Variants in TIGD7 observed in about 807,000 individuals in gnomAD.
The protein encoded by TIGD7 is tigger transposable element-derived protein 7.
TIGD7 carries 26 observed loss-of-function variants against 24.8 expected under a neutral mutation model. The observed-to-expected ratio is 1.05, with a 90% confidence interval of 0.77 to 1.45. TIGD7 has a LOEUF of 1.45. Among genes scored for constraint, TIGD7 ranks in the 40% most tolerant of loss-of-function variants. The pLI, the probability that TIGD7 is intolerant of heterozygous loss-of-function variation, is 0.00. For synonymous variants in TIGD7, 221 were observed against 224.1 expected, an observed-to-expected ratio of 0.99 and a Z score of 0.12; for missense variants, 679 against 641.6, an observed-to-expected ratio of 1.06 and a Z score of -0.63.
At position 3,299,917 on chromosome 16, in the gene TIGD7, T is replaced by C. The variant is rs1474889204; in HGVS notation, c.698A>G (p.Lys233Arg). ...GTCCTCTTTCACACTTTTGGGCAGT[T>C]TTGATTTTCCAATAATGATTGACTT... ...KLKSIIIGKS[K>R]LPKSVKEDTS... The change falls in exon 2 of 2, where the codon AAA becomes AGA. Residue 233 changes from lysine to arginine, a missense_variant. Physicochemically the swap from Lys to Arg is conservative, Grantham distance 26. Coordinates refer to ENST00000396862, the MANE Select transcript of TIGD7 (RefSeq NM_033208.4). 3.1e-6 allele frequency: 5 copies of C among 1,612,066 alleles called. No homozygotes were observed. In the South Asian group the frequency reaches 4.4e-5, roughly 14 times the overall value.
In TIGD7 at chr16:3,300,675, G is replaced by T; in HGVS notation, c.-61C>A. On this transcript the variant is annotated 5_prime_UTR_variant, in exon 2 of 2. Transcript: ENST00000396862. ...CAAAGGGAAAAGCCTTAATGAATTG[G>T]CAAAAAAAAAACCCACATTTTTTAA... 6.6e-7 allele frequency: 1 copy of T among 1,508,848 alleles called. No homozygotes were observed. Among genetic ancestry groups the T allele is most frequent in the Non-Finnish European group, 8.8e-7 (1 of 1,132,960 alleles). 93.5% of individuals were successfully genotyped at this position (1,508,848 alleles called of 1,614,324 possible).
chr16:3,303,160 T>C (rs543233430), intron 1 of TIGD7, among the ~76,000 whole-genome samples: 41 of 152,228 alleles, frequency 2.7e-4, no homozygotes, highest in African/African-American at 9.6e-4. Flanking sequence ...TCTAAAACAG[T>C]GCCCAAGCAA....
At chr16:3,302,363 T>C (rs192408545) in intron 1 of TIGD7, among the ~76,000 whole-genome samples, 34 of 152,202 alleles carry the variant, frequency 2.2e-4, no homozygotes, top group African/African-American at 7.7e-4. Flanking sequence ...TCTGAACTCA[T>C]GATCCGCCCG....
chr16:3,298,985 T>G lies in TIGD7; in HGVS notation c.1630A>C (p.Thr544Pro). 6 of 1,286,964 alleles carry G rather than the reference T, an allele frequency of 4.7e-6. No homozygotes were observed. Among genetic ancestry groups the G allele is most frequent in the Admixed American group, 3.0e-5 (1 of 33,228 alleles). The allele number at this position is 1,286,964 out of a possible 1,614,324, so 79.7% of individuals were successfully genotyped here. ...AAAATCTAATGATTAGAACCAGAAG[T>G]TGAAGGCCCACTGAAGGAGTCCTTA... ...NIKDSFSGPS[T>P]SGSNH The change falls in exon 2 of 2, where the codon ACT becomes CCT. Residue 544 changes from threonine (T) to proline (P), a missense_variant. Transcript: ENST00000396862.
Position 3,300,231 on chromosome 16 carries a change from T to A in TIGD7, c.384A>T (p.Arg128Ser). 6.2e-7 allele frequency: 1 copy of A among 1,614,174 alleles called. No homozygotes were observed. Among genetic ancestry groups the A allele is most frequent in the Non-Finnish European group, 8.5e-7 (1 of 1,180,022 alleles). Residue 128 changes from arginine (R) to serine (S), a missense_variant, in exon 2 of 2, where the codon AGA (arginine) becomes AGT (serine). Physicochemically the swap from Arg to Ser is moderately radical, Grantham distance 110. Transcript: ENST00000396862. ...TCCCAATTGCATGCCGATTTCGAAA[T>A]CTAAAAAGCCAACCAGTGCTAGCTT... Reference protein sequence around the residue: ...DFKASTGWLFRFRNRHAIGNR... With the variant: ...DFKASTGWLFSFRNRHAIGNR...
At position 3,299,531 on chromosome 16, in the gene TIGD7, C is replaced by A; in HGVS notation, c.1084G>T (p.Glu362Ter). ...TTGGAAACTCCTTTATCTCCTTTCT[C>A]TTGCTCATCATCACTTTCTTCAAAT... ...VIFEESDDEQ[E>*]KGDKGVSKIK... The change falls in exon 2 of 2, where the codon GAG (glutamate) becomes TAG (stop). Residue 362 changes from glutamate to a stop codon, truncating the protein, a stop_gained. Coordinates refer to ENST00000396862, the MANE Select transcript of TIGD7 (RefSeq NM_033208.4). LOFTEE classifies it low-confidence loss of function (END_TRUNC). The A allele has an allele frequency of 6.5e-7, 1 of 1,529,674 alleles. No individual in the cohort carries two copies. The allele number at this position is 1,529,674 out of a possible 1,614,324, so 94.8% of individuals were successfully genotyped here.
At chr16:3,302,657 T>A (rs1959972436) in intron 1 of TIGD7, among the ~76,000 whole-genome samples, 1 of 151,092 alleles carries the variant, frequency 6.6e-6, no homozygotes, top group African/African-American at 2.5e-5. Context: ...CAGACATAAA[T>A]CTTGGTTTAT....
In TIGD7 at chr16:3,299,887, C is replaced by T. The variant is rs562944022; in HGVS notation, c.728G>A (p.Ser243Asn). ...KLPKSVKEDT[S>N]TLPVIYKPSK... The stretch of plus-strand genomic sequence containing the variant: ...GGGTTTATATATCACAGGCAATGTA[C>T]TTGTGTCCTCTTTCACACTTTTGGG... Residue 243 changes from serine (S) to asparagine (N), a missense_variant, in exon 2 of 2, where the codon AGT becomes AAT. Physicochemically the swap from Ser to Asn is conservative, Grantham distance 46. Transcript: ENST00000396862. 60 of 1,606,808 alleles carry T rather than the reference C, an allele frequency of 3.7e-5. 2 individuals carry two copies. The South Asian group carries it at 6.4e-4, about 17-fold the overall frequency.
intron 1 of TIGD7, among the ~76,000 whole-genome samples, chr16:3,302,563 A>C (rs942098380): frequency 6.6e-6 from 1 of 152,238 alleles, no homozygotes; most frequent in African/African-American, 2.4e-5. Flanking sequence ...GGTAGTAATT[A>C]GGGGGTGGAG....
intron 1 of TIGD7, among the ~76,000 whole-genome samples, chr16:3,304,063 C>T (rs1221737588): frequency 6.6e-6 from 1 of 152,114 alleles, no homozygotes; most frequent in African/African-American, 2.4e-5. Flanking sequence ...GTCTCGATCT[C>T]CTGACCTCAT....
Position 3,302,207 on chromosome 16 carries a change from A to G in TIGD7, c.-1395-198T>C, listed in dbSNP as rs956393151. 2.8e-4 allele frequency among the ~76,000 whole-genome samples: 42 copies of G among 151,706 alleles called. 1 individual carries two copies. Among genetic ancestry groups the G allele is most frequent in the Non-Finnish European group, 2.9e-5 (2 of 67,950 alleles). Reference sequence around the variant, plus strand: ...CGATGCCGCCATCTCGGCTCACTACAACCTCTGCCTCCCGGGTTCAAGCAA... The same window carrying G: ...CGATGCCGCCATCTCGGCTCACTACGACCTCTGCCTCCCGGGTTCAAGCAA... On this transcript the variant is annotated intron_variant, in intron 1 of 1. Transcript: ENST00000396862.
Position 3,299,613 on chromosome 16 carries a change from C to G in TIGD7, c.1002G>C (p.Val334=). The stretch of plus-strand genomic sequence containing the variant: ...TATACAGCCGTTTGCAGCTCAAGAT[C>G]ACACCTTGATTCATTGGTTGAATCA... ...STLIQPMNQG[V]ILSCKRLYRW... The change falls in exon 2 of 2, where the codon GTG becomes GTC. Residue 334 remains valine, a synonymous_variant. Transcript: ENST00000396862. 1 of 1,560,428 alleles carries G rather than the reference C, an allele frequency of 6.4e-7. No individual in the cohort carries two copies. Among genetic ancestry groups the G allele is most frequent in the Non-Finnish European group, 8.6e-7 (1 of 1,159,952 alleles).
Position 3,300,554 on chromosome 16 carries a change from T to A in TIGD7, c.61A>T (p.Arg21Ter), listed in dbSNP as rs1179865261. 6.2e-7 allele frequency: 1 copy of A among 1,609,764 alleles called. No individual in the cohort carries two copies. The highest frequency in any genetic ancestry group is 1.7e-5 in the Admixed American group (1 of 59,006). ...TTAAGTGATCGTCCAGCTTCAATTC[T>A]ACTTAGAACCTTCATTTTCTCCTCC... is the stretch of plus-strand genomic sequence containing the variant. ...NLEEKMKVLSRIEAGRSLKSV... is the reference protein window; with the variant it reads ...NLEEKMKVLS The change falls in exon 2 of 2, where the codon AGA (arginine) becomes TGA (stop). Residue 21 changes from arginine (R) to a stop codon, truncating the protein, a stop_gained. Transcript: ENST00000396862. LOFTEE classifies it high-confidence loss of function.
rs764320414 is a variant in TIGD7 at position 3,300,324 on chromosome 16, CG to C, written c.290del (p.Pro97ArgfsTer2). The C allele has an allele frequency of 2.5e-6, 4 of 1,614,124 alleles. No individual in the cohort carries two copies. The highest frequency in any genetic ancestry group is 1.3e-5 in the African/African-American group (1 of 74,938). ...CAGCCTGAAGCTCCACGCCTCTTACCGGAACACCGGCTGAGCGTTTCTGTTG... is the reference window on the plus strand; with the variant it reads ...CAGCCTGAAGCTCCACGCCTCTTACCGAACACCGGCTGAGCGTTTCTGTTG... ...WYQQKRSAGV[P>X]VRGVELQAAA... On this transcript the variant is annotated frameshift_variant, in exon 2 of 2. Coordinates refer to ENST00000396862, the MANE Select transcript of TIGD7 (RefSeq NM_033208.4). LOFTEE classifies it high-confidence loss of function.
Position 3,299,271 on chromosome 16 carries a change from ACCCTTTTCTTC to A in TIGD7, c.1333_1343del (p.Glu445LeufsTer21). On this transcript the variant is annotated frameshift_variant, in exon 2 of 2. Coordinates refer to ENST00000396862, the MANE Select transcript of TIGD7 (RefSeq NM_033208.4). LOFTEE classifies it low-confidence loss of function (END_TRUNC). ...TTCCACCTTTGGTTTTTAGGAGACA[ACCCTTTTCTTC>A]ATCTCCATTTAACCACACCCTATCA... 1 of 1,610,992 alleles carries A rather than the reference ACCCTTTTCTTC, an allele frequency of 6.2e-7. No individual in the cohort carries two copies. The highest frequency in any genetic ancestry group is 8.5e-7 in the Non-Finnish European group (1 of 1,179,138).
rs768657453 is a variant in TIGD7 at position 3,299,084 on chromosome 16, T to C, written c.1531A>G (p.Ile511Val). ...HFTLKEMQQE[I>V]VKKQFQSKIH... is the part of the protein sequence containing the mutation. ...TTACTCTGGAACTGTTTCTTGACTA[T>C]TTCTTGTTGCATCTCTTTCAGTGTG... The change falls in exon 2 of 2, where the codon ATA becomes GTA. Residue 511 changes from isoleucine (I) to valine (V), a missense_variant. Physicochemically the swap from Ile to Val is conservative, Grantham distance 29 (BLOSUM62 3). Coordinates refer to ENST00000396862, the MANE Select transcript of TIGD7 (RefSeq NM_033208.4). The C allele has an allele frequency of 2.8e-6, 4 of 1,422,702 alleles. No individual in the cohort carries two copies. The highest frequency in any genetic ancestry group is 5.6e-5 in the Admixed American group (2 of 35,516). The allele number at this position is 1,422,702 out of a possible 1,614,324, so 88.1% of individuals were successfully genotyped here. A position where few individuals can be genotyped will look rare whatever the true frequency, so the allele number is the denominator to read the frequency against.
intron 1 of TIGD7, among the ~76,000 whole-genome samples, chr16:3,302,651 C>G (rs6501167): frequency 0.1 from 15,794 of 152,092 alleles, 2,767 homozygotes; most frequent in African/African-American, 0.36. Context: ...ATAACTCAGA[C>G]ATAAATCTTG....
At position 3,300,628 on chromosome 16, in the gene TIGD7, C is replaced by A; in HGVS notation, c.-14G>T. The A allele has an allele frequency of 6.5e-7, 1 of 1,536,816 alleles. No homozygotes were observed. Among genetic ancestry groups the A allele is most frequent in the South Asian group, 1.3e-5 (1 of 76,500 alleles). ...TCTCTTATTCATACTGAATTTAACT[C>A]TGAACCACCAACAGGAGAAAACAAA... On this transcript the variant is annotated 5_prime_UTR_variant, in exon 2 of 2. Transcript: ENST00000396862.
At position 3,299,846 on chromosome 16, in the gene TIGD7, A is replaced by G; in HGVS notation, c.769T>C (p.Phe257Leu). 6.3e-7 allele frequency: 1 copy of G among 1,592,110 alleles called. No individual in the cohort carries two copies. The highest frequency in any genetic ancestry group is 8.5e-7 in the Non-Finnish European group (1 of 1,171,206). The change falls in exon 2 of 2, where the codon TTC becomes CTC. Residue 257 changes from phenylalanine to leucine, a missense_variant. Coordinates refer to ENST00000396862, the MANE Select transcript of TIGD7 (RefSeq NM_033208.4). The part of the protein sequence containing the change: ...VIYKPSKDVW[F>L]TRELFSEWFF... ...CATTCTGAAAACAATTCTCTGGTGA[A>G]CCAAACATCTTTACTGGGTTTATAT...
Sources: allele counts gnomAD v4.1 joint callset (sites outside exome capture counted in the v4.1 genomes callset), GRCh38; gene constraint gnomAD v4.1.1; transcripts MANE v1.5; gene names NCBI Gene and HGNC (gene_info 2026-07-23, HGNC 2026-07-21).